CEACAM6: variants seen among roughly 807,000 people sequenced by gnomAD.
The protein encoded by CEACAM6 is cell adhesion molecule CEACAM6.
Under a neutral mutation model 32.4 loss-of-function variants are expected in CEACAM6, and 21 were observed. That is an observed-to-expected ratio of 0.65 (90% confidence interval 0.46 to 0.93). The LOEUF (loss-of-function observed/expected upper bound fraction) is 0.93, where lower values mean the gene tolerates loss of function less well. Among genes scored for constraint, CEACAM6 ranks in the 40% least tolerant of loss-of-function variants. CEACAM6 has a pLI of 0.00. For synonymous variants in CEACAM6, 184 were observed against 174.4 expected (o/e 1.06, Z -0.43); for missense variants, 406 against 432.2 (o/e 0.94, Z 0.54).
intron 5 of CEACAM6, among the ~76,000 whole-genome samples, chr19:41,766,593 T>G (rs947037062): frequency 6.6e-6 from 1 of 152,216 alleles, no homozygotes; most frequent in Non-Finnish European, 1.5e-5. Flanking sequence ...AGTCTCTCCA[T>G]TCCCATCAAC....
At chr19:41,769,633 T>G (rs1038158206) in intron 5 of CEACAM6, among the ~76,000 whole-genome samples, 15 of 151,762 alleles carry the variant, frequency 9.9e-5, no homozygotes, top group Non-Finnish European at 2.1e-4. Flanking sequence ...ACATCTATAT[T>G]TTCTCCCTAC....
chr19:41,761,299 G>A lies in CEACAM6; in HGVS notation c.475G>A (p.Asp159Asn). 6.2e-7 allele frequency: 1 copy of A among 1,614,164 alleles called. No homozygotes were observed. Among genetic ancestry groups the A allele is most frequent in the Admixed American group, 1.7e-5 (1 of 60,022 alleles). ...CAGCAACAACTCCAACCCCGTGGAGGACAAGGATGCTGTGGCCTTCACCTG... is the reference window on the plus strand; with the variant it reads ...CAGCAACAACTCCAACCCCGTGGAGAACAAGGATGCTGTGGCCTTCACCTG... ...ISSNNSNPVE[D>N]KDAVAFTCEP... The change falls in exon 3 of 6, where the codon GAC becomes AAC. Residue 159 changes from aspartate to asparagine, a missense_variant. Physicochemically the swap from Asp to Asn is conservative, Grantham distance 23. Transcript: ENST00000199764.
intron 5 of CEACAM6, among the ~76,000 whole-genome samples, chr19:41,768,691 C>T (rs1455369635): frequency 6.6e-6 from 1 of 151,962 alleles, no homozygotes; most frequent in Admixed American, 6.5e-5. Context: ...CAGAGGCGCC[C>T]CTCACCTCCC....
At chr19:41,756,553 T>G (rs2072886737) in intron 1 of CEACAM6, 47 bp from the exon 2 acceptor site, 1 of 1,581,988 alleles carries the variant, frequency 6.3e-7, no homozygotes, top group African/African-American at 1.4e-5. Flanking sequence ...TTTTCCACCC[T>G]AATGCATAGG....
chr19:41,756,634 T>C lies in CEACAM6; in HGVS notation c.99T>C (p.Thr33=). ...TAACCTTCTGGAACCCACCCACCACTGCCAAGCTCACTATTGAATCCACGC... is the reference window on the plus strand; with the variant it reads ...TAACCTTCTGGAACCCACCCACCACCGCCAAGCTCACTATTGAATCCACGC... ...SLLTFWNPPT[T]AKLTIESTPF... is the part of the protein sequence containing the mutation. Residue 33 remains threonine, a synonymous_variant, in exon 2 of 6, where the codon ACT becomes ACC. Transcript: ENST00000199764. The C allele has an allele frequency of 1.9e-6, 3 of 1,614,038 alleles. No individual in the cohort carries two copies. Among genetic ancestry groups the C allele is most frequent in the African/African-American group, 2.7e-5 (2 of 74,988 alleles).
chr19:41,768,465 A>G lies in CEACAM6; in HGVS notation c.*40+2166A>G, dbSNP rs985401849. Among the ~76,000 whole-genome samples the G allele has an allele frequency of 2.1e-4, 32 of 152,372 alleles. 2 individuals are homozygous for G. The South Asian group carries it at 4.6e-3, about 22-fold the overall frequency. On this transcript the variant is annotated intron_variant, in intron 5 of 5. Coordinates refer to ENST00000199764, the MANE Select transcript of CEACAM6 (RefSeq NM_002483.7). Reference sequence around the variant, plus strand: ...CCAAGGCAGAAGAATTTTTCTTAGTACAGAACAAAATGAAAAGTCTCCCAT... The same window carrying G: ...CCAAGGCAGAAGAATTTTTCTTAGTGCAGAACAAAATGAAAAGTCTCCCAT...
chr19:41,767,795 C>T (rs2072965023), intron 5 of CEACAM6, among the ~76,000 whole-genome samples: 1 of 151,818 alleles, frequency 6.6e-6, no homozygotes, highest in African/African-American at 2.4e-5. Context: ...CTTTGTTGGC[C>T]TAATTCATTA....
rs542179900 is a variant in CEACAM6, at chr19:41,762,541, T to C, written c.958+318T>C. 2.0e-5 allele frequency among the ~76,000 whole-genome samples: 3 copies of C among 152,158 alleles called. No homozygotes were observed. In the South Asian group the frequency reaches 6.3e-4, roughly 32 times the overall value. ...AAAAAAGGAGGAAGGGTCCTCAGGG[T>C]CAAGTTCCTGCTCTCTGTCACCAAC... On this transcript the variant is annotated intron_variant, in intron 4 of 5. Coordinates refer to ENST00000199764, the MANE Select transcript of CEACAM6 (RefSeq NM_002483.7).
chr19:41,766,042 GA>G (rs111995688), intron 4 of CEACAM6, 140 bp from the exon 5 acceptor site: 8 of 483,630 alleles, frequency 1.7e-5, no homozygotes, highest in East Asian at 7.1e-5. Context: ...TGGTAAGAGA[GA>G]AAAAAAATTG....
At position 41,772,150 on chromosome 19, in the gene CEACAM6, G is replaced by A. The variant is rs1555823029; in HGVS notation, c.*1389G>A. ...CCCAGGGGGAGCTATCACTGTACTT[G>A]TAGAGTGGTGCTGCTTTAATTCATA... On this transcript the variant is annotated 3_prime_UTR_variant, in exon 6 of 6. Coordinates refer to ENST00000199764, the MANE Select transcript of CEACAM6 (RefSeq NM_002483.7). 1 of 152,192 alleles carries A rather than the reference G, an allele frequency of 6.6e-6. No homozygotes were observed. 9.4% of individuals were successfully genotyped at this position (152,192 alleles called of 1,614,324 possible).
chr19:41,768,557 T>C (rs2072970810), intron 5 of CEACAM6, among the ~76,000 whole-genome samples: 2 of 151,852 alleles, frequency 1.3e-5, no homozygotes, highest in Admixed American at 6.6e-5. Flanking sequence ...CCTTTCCCCC[T>C]TTTCTATTCC....
At chr19:41,755,800 C>T (rs1284693605) in intron 1 of CEACAM6, 98 bp downstream of exon 1, 1 of 1,000,144 alleles carries the variant, frequency 1.0e-6, no homozygotes, top group South Asian at 1.7e-5. Flanking sequence ...AGACAGAGGG[C>T]TTTTGTTGAA....
intron 2 of CEACAM6, among the ~76,000 whole-genome samples, chr19:41,757,363 T>C (rs1016918884): frequency 6.6e-6 from 1 of 152,060 alleles, no homozygotes; most frequent in African/African-American, 2.4e-5. Context: ...TACAAAGCCC[T>C]GTCCCTGGTT....
chr19:41,757,567 A>C (rs2072896940), intron 2 of CEACAM6, among the ~76,000 whole-genome samples: 1 of 152,078 alleles, frequency 6.6e-6, no homozygotes, highest in Admixed American at 6.5e-5. Flanking sequence ...CTCAGCATGG[A>C]AAGGACAGAT....
intron 2 of CEACAM6, among the ~76,000 whole-genome samples, chr19:41,758,986 C>G (rs2072906590): frequency 6.6e-6 from 1 of 152,214 alleles, no homozygotes; most frequent in Admixed American, 6.5e-5. Context: ...GGCCACGGGA[C>G]AGGGACAAGC....
At chr19:41,766,080 C>A in intron 4 of CEACAM6, 103 bp from the exon 5 acceptor site, 1 of 710,862 alleles carries the variant, frequency 1.4e-6, no homozygotes, top group Non-Finnish European at 2.2e-6. Flanking sequence ...CTAGTGTATT[C>A]CTTGAAGGAA....
chr19:41,759,413 G>A (rs1201391278), intron 2 of CEACAM6, among the ~76,000 whole-genome samples: 1 of 152,208 alleles, frequency 6.6e-6, no homozygotes. Context: ...TAACTGCACA[G>A]GAATTAGGGG....
intron 2 of CEACAM6, 129 bp downstream of exon 2, chr19:41,757,088 T>C (rs1476555224): frequency 1.4e-6 from 2 of 1,454,532 alleles, no homozygotes; most frequent in East Asian, 4.6e-5. Flanking sequence ...GGACATTTAG[T>C]GCAGGACACA....
intron 5 of CEACAM6, among the ~76,000 whole-genome samples, chr19:41,769,679 A>G (rs2072980286): frequency 6.6e-6 from 1 of 151,142 alleles, no homozygotes; most frequent in Non-Finnish European, 1.5e-5. Context: ...ATTCATGAAT[A>G]TTTATATGTT....
Sources: allele counts gnomAD v4.1 joint callset (sites outside exome capture counted in the v4.1 genomes callset), GRCh38; gene constraint gnomAD v4.1.1; transcripts MANE v1.5; gene names NCBI Gene and HGNC (gene_info 2026-07-23, HGNC 2026-07-21).